Variants in ADTRP observed in about 807,000 individuals in gnomAD.
The protein encoded by ADTRP is androgen dependent TFPI regulating protein.
Under a neutral mutation model 27.0 loss-of-function variants are expected in ADTRP, and 20 were observed. The observed-to-expected ratio is 0.74, with a 90% CI of 0.52 to 1.08. The LOEUF is 1.08. Among genes scored for constraint, ADTRP ranks in the 50% least tolerant of loss-of-function variants. The probability of loss-of-function intolerance (pLI) is 0.00; values close to 1 mark genes in which losing one functional copy is unlikely to be tolerated. For missense variants in ADTRP, 251 were observed against 275.0 expected (o/e 0.91, Z 0.62); for synonymous variants, 101 against 105.2 (o/e 0.96, Z 0.25).
intron 3 of ADTRP, among the ~76,000 whole-genome samples, chr6:11,750,267 G>C (rs181356296): frequency 6.6e-6 from 1 of 152,346 alleles, no homozygotes; most frequent in Admixed American, 6.5e-5. Flanking sequence ...TTTGGTTTCT[G>C]GTTAAATCCC....
At chr6:11,765,852 C>T (rs1330216885) in intron 3 of ADTRP, among the ~76,000 whole-genome samples, 1 of 152,152 alleles carries the variant, frequency 6.6e-6, no homozygotes, top group Non-Finnish European at 1.5e-5. Flanking sequence ...GATGCAGAAT[C>T]GTGACAAAGT....
rs143988610 is a variant in ADTRP at position 11,753,194 on chromosome 6, T to G, written c.390+13080A>C. The stretch of plus-strand genomic sequence containing the variant: ...ACATAGAGCTAAGAAATTTTGCTCC[T>G]CCTCACACCAATCTGACTTTTAGGG... On this transcript the variant is annotated intron_variant, in intron 3 of 5. Transcript: ENST00000414691. Among the ~76,000 whole-genome samples, 338 of 152,340 alleles carry G rather than the reference T, an allele frequency of 2.2e-3. 3 individuals are homozygous for G. The highest frequency in any genetic ancestry group is 7.9e-3 in the African/African-American group (327 of 41,568).
At chr6:11,765,178 GTGGACT>G (rs1763523329) in intron 3 of ADTRP, among the ~76,000 whole-genome samples, 1 of 152,088 alleles carries the variant, frequency 6.6e-6, no homozygotes, top group Non-Finnish European at 1.5e-5. Flanking sequence ...GGCAGTGTTA[GTGGACT>G]GAGTTGCTTT....
At chr6:11,744,222 G>A (rs1581339061) in intron 3 of ADTRP, among the ~76,000 whole-genome samples, 1 of 152,166 alleles carries the variant, frequency 6.6e-6, no homozygotes, top group East Asian at 1.9e-4. Flanking sequence ...TTTCTGCCAT[G>A]AGGAAAAGTT....
At chr6:11,745,935 C>T (rs745548327) in intron 3 of ADTRP, among the ~76,000 whole-genome samples, 11 of 152,082 alleles carry the variant, frequency 7.2e-5, no homozygotes, top group Non-Finnish European at 1.2e-4. Flanking sequence ...GGATTACAGG[C>T]GTGTGCCATT....
At chr6:11,749,940 A>G (rs938742695) in intron 3 of ADTRP, among the ~76,000 whole-genome samples, 2 of 152,182 alleles carry the variant, frequency 1.3e-5, no homozygotes, top group Admixed American at 6.5e-5. Flanking sequence ...GGGCTCAGGA[A>G]AATGAAGCTA....
rs1465123759 is a variant in ADTRP, at chr6:11,723,472, T to C, written c.535A>G (p.Thr179Ala). The change falls in exon 5 of 6, where the codon ACC becomes GCC. Residue 179 changes from threonine to alanine, a missense_variant. Transcript: ENST00000414691. ...RILWLYFETGTWVYPVFAKLS... is the reference protein window; with the variant it reads ...RILWLYFETGAWVYPVFAKLS... ...TTGGCAAACACAGGATACACCCAGG[T>C]ACCCGTCTCAAAGTAGAGCCATAGG... is the stretch of plus-strand genomic sequence containing the variant. The C allele has an allele frequency of 1.2e-6, 2 of 1,614,070 alleles. No individual in the cohort carries two copies. The highest frequency in any genetic ancestry group is 1.1e-5 in the South Asian group (1 of 91,072).
intron 5 of ADTRP, among the ~76,000 whole-genome samples, chr6:11,719,641 A>T (rs545799398): frequency 6.6e-6 from 1 of 152,256 alleles, no homozygotes; most frequent in South Asian, 2.1e-4. Context: ...TTGGCTGGTG[A>T]CTTCAAATTG....
At chr6:11,741,842 T>C (rs1762729616) in intron 3 of ADTRP, among the ~76,000 whole-genome samples, 1 of 152,150 alleles carries the variant, frequency 6.6e-6, no homozygotes, top group African/African-American at 2.4e-5. Flanking sequence ...CTTCTTCCTA[T>C]TGAGCTCTCT....
chr6:11,736,006 A>C, intron 3 of ADTRP: 1 of 215,822 alleles, frequency 4.6e-6, no homozygotes, highest in Non-Finnish European at 9.3e-6. Flanking sequence ...TCACTCACCC[A>C]GGCTGGAGTG....
At chr6:11,718,447 A>T (rs143293862) in intron 5 of ADTRP, among the ~76,000 whole-genome samples, 2 of 46,718 alleles carry the variant, frequency 4.3e-5, no homozygotes, top group Non-Finnish European at 1.7e-4. Flanking sequence ...ATCATCAAAG[A>T]AAAAAAAGAA....
chr6:11,767,446 A>T (rs1056258910), intron 2 of ADTRP, among the ~76,000 whole-genome samples: 1 of 152,142 alleles, frequency 6.6e-6, no homozygotes, highest in African/African-American at 2.4e-5. Flanking sequence ...TTATCAGAGA[A>T]CTCACTAGGG....
In ADTRP at chr6:11,713,799, T is replaced by C. The variant is rs535492080; in HGVS notation, c.*679A>G. The C allele has an allele frequency of 6.6e-6, 1 of 152,374 alleles. No individual in the cohort carries two copies. Among genetic ancestry groups the C allele is most frequent in the South Asian group, 2.1e-4 (1 of 4,828 alleles). 9.4% of individuals were successfully genotyped at this position (152,374 alleles called of 1,614,324 possible). ...CTCAGAAGAGAAACAGATTTCCCAG[T>C]ATTTTTTATAACTTACTTTCCCATT... On this transcript the variant is annotated 3_prime_UTR_variant, in exon 6 of 6. Coordinates refer to ENST00000414691, the MANE Select transcript of ADTRP (RefSeq NM_032744.4).
chr6:11,751,087 G>C (rs1048836985), intron 3 of ADTRP, among the ~76,000 whole-genome samples: 2 of 152,230 alleles, frequency 1.3e-5, no homozygotes, highest in African/African-American at 4.8e-5. Context: ...CTGGGCTCAA[G>C]CAATCCACCC....
chr6:11,761,102 G>T (rs189733096), intron 3 of ADTRP, among the ~76,000 whole-genome samples: 427 of 152,268 alleles, frequency 2.8e-3, no homozygotes, highest in Middle Eastern at 6.8e-3. Context: ...TAAAGTCACT[G>T]TTCTGCTGCC....
chr6:11,759,081 C>T (rs983592802), intron 3 of ADTRP, among the ~76,000 whole-genome samples: 5 of 152,158 alleles, frequency 3.3e-5, no homozygotes, highest in Admixed American at 3.3e-4. Context: ...TGAGATGGGG[C>T]TGGCGTAGTG....
At chr6:11,725,907 A>G (rs899711648) in intron 4 of ADTRP, among the ~76,000 whole-genome samples, 3 of 151,632 alleles carry the variant, frequency 2.0e-5, no homozygotes, top group Non-Finnish European at 4.4e-5. Context: ...CTCAAAAAAA[A>G]AAAAAAAAGG....
chr6:11,720,295 G>A (rs189287684), intron 5 of ADTRP, among the ~76,000 whole-genome samples: 106 of 152,252 alleles, frequency 7.0e-4, no homozygotes, highest in African/African-American at 2.2e-3. Flanking sequence ...AGTCAACTGA[G>A]TGCCCAAGCC....
chr6:11,772,160 T>C (rs1033290854), intron 1 of ADTRP, among the ~76,000 whole-genome samples: 1 of 152,244 alleles, frequency 6.6e-6, no homozygotes, highest in Non-Finnish European at 1.5e-5. Flanking sequence ...TCAGACCTGC[T>C]GCTCCCTGAT....
Sources: allele counts gnomAD v4.1 joint callset (sites outside exome capture counted in the v4.1 genomes callset), GRCh38; gene constraint gnomAD v4.1.1; transcripts MANE v1.5; gene names NCBI Gene and HGNC (gene_info 2026-07-23, HGNC 2026-07-21).